The following SCRG1 variants were observed in gnomAD, a reference collection of about 807,000 sequenced individuals.
SCRG1 encodes stimulator of chondrogenesis 1.
Under a neutral mutation model 7.7 loss-of-function variants are expected in SCRG1, and 3 were observed. That is an observed-to-expected ratio of 0.39 (90% CI 0.18 to 1.01). The LOEUF is 1.01. Ranked by LOEUF, SCRG1 falls within the 50% of genes least tolerant of loss-of-function variation. The pLI is 0.36. For missense variants in SCRG1, 110 were observed against 117.2 expected, an observed-to-expected ratio of 0.94 and a Z score of 0.28; for synonymous variants, 46 against 41.2, an observed-to-expected ratio of 1.12 and a Z score of -0.44.
the SCRG1 span, among the ~76,000 whole-genome samples, chr4:173,484,964 T>A: frequency 1.9e-5 from 1 of 52,408 alleles, no homozygotes; most frequent in Non-Finnish European, 3.2e-5. Flanking sequence ...ATTATATATA[T>A]TATATATAAT....
At chr4:173,484,407 TAC>T in the SCRG1 span, among the ~76,000 whole-genome samples, 1 of 72,184 alleles carries the variant, frequency 1.4e-5, no homozygotes, top group African/African-American at 5.9e-5. Flanking sequence ...ATATATTATA[TAC>T]ATATAATATA....
chr4:173,446,753 A>G, the SCRG1 span: 2 of 152,238 alleles, frequency 1.3e-5, no homozygotes, highest in Admixed American at 6.5e-5. Context: ...AAGCACATAT[A>G]AAGTACTTCT....
At chr4:173,395,364 A>G (rs933948666) in intron 1 of SCRG1, among the ~76,000 whole-genome samples, 1 of 152,242 alleles carries the variant, frequency 6.6e-6, no homozygotes, top group Non-Finnish European at 1.5e-5. Flanking sequence ...ATTCTAGGCA[A>G]GAGCCTATAG....
At chr4:173,485,341 T>G in the SCRG1 span, among the ~76,000 whole-genome samples, 1 of 148,788 alleles carries the variant, frequency 6.7e-6, no homozygotes, top group Non-Finnish European at 1.5e-5. Context: ...CACTACCAAG[T>G]AAATCAGACC....
chr4:173,402,335 C>T (rs1177884223), upstream of SCRG1, among the ~76,000 whole-genome samples: 2 of 151,786 alleles, frequency 1.3e-5, no homozygotes, highest in African/African-American at 2.4e-5. Context: ...ATAGAAAATC[C>T]TCACAAATTA....
the SCRG1 span, among the ~76,000 whole-genome samples, chr4:173,485,858 T>C: frequency 6.6e-6 from 1 of 152,078 alleles, no homozygotes; most frequent in East Asian, 1.9e-4. Context: ...TAATCCCAGC[T>C]ACTCGCGAGG....
At chr4:173,500,446 T>C in the SCRG1 span, among the ~76,000 whole-genome samples, 2 of 152,140 alleles carry the variant, frequency 1.3e-5, no homozygotes, top group East Asian at 3.9e-4. Flanking sequence ...GAATTCTGAA[T>C]CACCAACGAA....
the SCRG1 span, among the ~76,000 whole-genome samples, chr4:173,438,102 TA>T: frequency 6.6e-6 from 1 of 152,130 alleles, no homozygotes; most frequent in Admixed American, 6.6e-5. Flanking sequence ...CTAAGTTTTT[TA>T]TTTTTTAATT....
chr4:173,439,412 G>A, the SCRG1 span, among the ~76,000 whole-genome samples: 1 of 151,818 alleles, frequency 6.6e-6, no homozygotes, highest in Non-Finnish European at 1.5e-5. Flanking sequence ...TGTGGTCCCA[G>A]CTACTTGGGA....
upstream of SCRG1, among the ~76,000 whole-genome samples, chr4:173,409,208 TG>T (rs1739987642): frequency 6.6e-6 from 1 of 152,110 alleles, no homozygotes; most frequent in South Asian, 2.1e-4. Flanking sequence ...AGAGAATCCC[TG>T]GGAATGTGAT....
At chr4:173,469,283 A>T in the SCRG1 span, 1 of 152,204 alleles carries the variant, frequency 6.6e-6, no homozygotes, top group Non-Finnish European at 1.5e-5. Flanking sequence ...TAATCAATTA[A>T]ATCTTTTTAG....
the SCRG1 span, among the ~76,000 whole-genome samples, chr4:173,426,202 C>T: frequency 6.6e-6 from 1 of 152,214 alleles, no homozygotes; most frequent in Non-Finnish European, 1.5e-5. Flanking sequence ...ACCTTGCAGC[C>T]CTGTTTGGTA....
the SCRG1 span, chr4:173,469,595 A>AT: frequency 1.3e-5 from 2 of 152,150 alleles, no homozygotes; most frequent in East Asian, 1.9e-4. Flanking sequence ...GGAATTAGAT[A>AT]TTTTTCAATG....
At chr4:173,515,493 GTTT>G in the SCRG1 span, among the ~76,000 whole-genome samples, 2 of 152,094 alleles carry the variant, frequency 1.3e-5, no homozygotes, top group Admixed American at 1.3e-4. This position sits in a 1 kb window ranked among gnomAD's most constrained non-coding sequence, Gnocchi z 4.6. Flanking sequence ...CATATTTCAA[GTTT>G]TATAGACAGT....
At chr4:173,493,324 T>C in the SCRG1 span, among the ~76,000 whole-genome samples, 1 of 152,152 alleles carries the variant, frequency 6.6e-6, no homozygotes, top group African/African-American at 2.4e-5. Flanking sequence ...TGTTCTACCA[T>C]GGTAAGACGT....
At chr4:173,458,175 A>T in the SCRG1 span, among the ~76,000 whole-genome samples, 1 of 152,204 alleles carries the variant, frequency 6.6e-6, no homozygotes, top group Admixed American at 6.5e-5. Context: ...GCATAGGGCC[A>T]TAGGGGCCTG....
rs11302799 is a variant in SCRG1, at chr4:173,386,301, A to ATTTTTTTTTT, written c.*2030_*2039dup. The stretch of plus-strand genomic sequence containing the variant: ...AGGCGCCTGCCACCACGCCCAGCTA[A>ATTTTTTTTTT]TTTTTTTTTTTTTTTTTTTTGTATT... On this transcript the variant is annotated 3_prime_UTR_variant, in exon 3 of 3. Coordinates refer to ENST00000296506, the MANE Select transcript of SCRG1 (RefSeq NM_007281.4). 1.6e-4 allele frequency: 19 copies of ATTTTTTTTTT among 116,996 alleles called. No individual in the cohort carries two copies. In the South Asian group the frequency reaches 4.4e-3, roughly 27 times the overall value. 7.2% of individuals were successfully genotyped at this position (116,996 alleles called of 1,614,324 possible). A position where few individuals can be genotyped will look rare whatever the true frequency, so the allele number is the denominator to read the frequency against.
At chr4:173,496,748 T>A in the SCRG1 span, among the ~76,000 whole-genome samples, 1 of 152,174 alleles carries the variant, frequency 6.6e-6, no homozygotes. Flanking sequence ...GTATTCTGAT[T>A]AAGTATTGCC....
chr4:173,432,163 G>C, the SCRG1 span, among the ~76,000 whole-genome samples: 3 of 152,094 alleles, frequency 2.0e-5, no homozygotes, highest in African/African-American at 7.2e-5. Context: ...AGTATCATGG[G>C]ATCTGGAAAA....
Sources: gnomAD v4.1 joint callset for allele counts (sites outside exome capture counted in the v4.1 genomes callset) on GRCh38, gnomAD v4.1.1 for gene constraint, Gnocchi (gnomAD v3.1) non-coding constraint, MANE v1.5 for transcripts, NCBI Gene and HGNC (gene_info 2026-07-23, HGNC 2026-07-21) for gene names.